The following MYO5A variants were observed in gnomAD, a reference collection of about 807,000 sequenced individuals.
MYO5A encodes the protein unconventional myosin-Va.
Under a neutral mutation model 249.7 loss-of-function variants are expected in MYO5A, and 98 were observed. The observed-to-expected ratio is 0.39, with a 90% confidence interval of 0.33 to 0.46. MYO5A has a LOEUF of 0.46. MYO5A is among the 20% of genes least tolerant of loss of function. The probability of loss-of-function intolerance (pLI) is 0.98; values close to 1 mark genes in which losing one functional copy is unlikely to be tolerated. For synonymous variants in MYO5A, 778 were observed against 810.6 expected (o/e 0.96, Z 0.68); for missense variants, 1,696 against 2,308.8 (o/e 0.73, Z 5.44).
At chr15:52,488,047 C>G (rs762729907) in intron 1 of MYO5A, among the ~76,000 whole-genome samples, 3 of 151,916 alleles carry the variant, frequency 2.0e-5, no homozygotes, top group Non-Finnish European at 4.4e-5. Flanking sequence ...TTCTTAACTT[C>G]TACATAGTAC....
intron 1 of MYO5A, among the ~76,000 whole-genome samples, chr15:52,517,172 T>A (rs1412256602): frequency 6.6e-6 from 1 of 152,230 alleles, no homozygotes; most frequent in Non-Finnish European, 1.5e-5. Context: ...TAAAGAGTGC[T>A]ATTTTTAAAA....
chr15:52,435,113 A>C (rs1231684515), intron 1 of MYO5A, among the ~76,000 whole-genome samples: 2 of 152,224 alleles, frequency 1.3e-5, no homozygotes, highest in Non-Finnish European at 2.9e-5. Flanking sequence ...TACAAGAGAA[A>C]TTTATATGAC....
At chr15:52,471,589 T>TG (rs2076470649) in intron 1 of MYO5A, among the ~76,000 whole-genome samples, 1 of 45,134 alleles carries the variant, frequency 2.2e-5, no homozygotes, top group Non-Finnish European at 4.7e-5. Context: ...ATTCTGTCTC[T>TG]AAAACACACA....
At chr15:52,452,846 T>TAA (rs199499140) in intron 1 of MYO5A, among the ~76,000 whole-genome samples, 7 of 123,880 alleles carry the variant, frequency 5.7e-5, no homozygotes, top group Middle Eastern at 4.1e-3. Flanking sequence ...AGACTCCATG[T>TAA]AAAAAAAAAA....
intron 15 of MYO5A, 36 bp downstream of exon 15, chr15:52,384,125 G>C: frequency 6.2e-7 from 1 of 1,613,252 alleles, no homozygotes; most frequent in Non-Finnish European, 8.5e-7. Flanking sequence ...GAGCCAGAAA[G>C]GAAGGAGCGT....
At chr15:52,406,990 A>G (rs2043032851) in intron 8 of MYO5A, among the ~76,000 whole-genome samples, 1 of 152,160 alleles carries the variant, frequency 6.6e-6, no homozygotes, top group African/African-American at 2.4e-5. Flanking sequence ...CTGATGCCCC[A>G]AATATATATT....
chr15:52,436,004 G>A (rs1353732976), intron 1 of MYO5A, among the ~76,000 whole-genome samples: 2 of 152,134 alleles, frequency 1.3e-5, no homozygotes, highest in Non-Finnish European at 2.9e-5. Flanking sequence ...TGCAGCCTCC[G>A]CTTCTGGGGT....
intron 1 of MYO5A, among the ~76,000 whole-genome samples, chr15:52,468,220 C>T (rs1399223683): frequency 1.3e-4 from 20 of 151,924 alleles, no homozygotes; most frequent in Admixed American, 1.2e-3. Context: ...GAGGATCACC[C>T]GAGCTGGGAA....
chr15:52,421,534 T>TC (rs5812607), intron 4 of MYO5A, among the ~76,000 whole-genome samples: 22,643 of 152,138 alleles, frequency 0.15, 1,796 homozygotes, highest in Middle Eastern at 0.22. Context: ...GAGGAAATAG[T>TC]AACACCAAGA....
At chr15:52,398,029 C>G (rs1222082199) in intron 9 of MYO5A, among the ~76,000 whole-genome samples, 1 of 152,082 alleles carries the variant, frequency 6.6e-6, no homozygotes, top group Non-Finnish European at 1.5e-5. Context: ...AAGGATTTTC[C>G]AAGCCAAGGA....
At chr15:52,349,201 C>T (rs932690182) in intron 28 of MYO5A, among the ~76,000 whole-genome samples, 2 of 152,114 alleles carry the variant, frequency 1.3e-5, no homozygotes, top group African/African-American at 4.8e-5. Flanking sequence ...TCACAGAAGT[C>T]GTTTGTCCAA....
chr15:52,359,479 T>C (rs761998489), intron 25 of MYO5A, among the ~76,000 whole-genome samples: 10 of 152,172 alleles, frequency 6.6e-5, no homozygotes, highest in Non-Finnish European at 1.2e-4. Context: ...GTTACATTGG[T>C]AAAAACTGGC....
At chr15:52,370,984 G>T (rs1204657454) in intron 21 of MYO5A, among the ~76,000 whole-genome samples, 1 of 151,982 alleles carries the variant, frequency 6.6e-6, no homozygotes, top group African/African-American at 2.4e-5. Context: ...ATGGTGGTGT[G>T]TACCTGTAGT....
In MYO5A at chr15:52,308,735, G is replaced by A. The variant is rs1157165522; in HGVS notation, c.*4961C>T. 6.5e-6 allele frequency: 1 copy of A among 152,700 alleles called. No homozygotes were observed. Among genetic ancestry groups the A allele is most frequent in the Non-Finnish European group, 1.5e-5 (1 of 68,126 alleles). The allele number at this position is 152,700 out of a possible 1,614,324, so 9.5% of individuals were successfully genotyped here. A position where few individuals can be genotyped will look rare whatever the true frequency, so the allele number is the denominator to read the frequency against. On this transcript the variant is annotated 3_prime_UTR_variant, in exon 42 of 42. Coordinates refer to ENST00000399233, the MANE Select transcript of MYO5A (RefSeq NM_001382347.1). ...ACTCTCACAAAACCTTGAGAAACAGGGCAAGATATCCCTTCCAGGCAAGAT... is the reference window on the plus strand; with the variant it reads ...ACTCTCACAAAACCTTGAGAAACAGAGCAAGATATCCCTTCCAGGCAAGAT...
intron 31 of MYO5A, 26 bp downstream of exon 31, chr15:52,343,090 AT>A (rs760677742): frequency 6.3e-7 from 1 of 1,576,100 alleles, no homozygotes. Context: ...AATTAATAAC[AT>A]TCCATTTTGA....
chr15:52,474,683 G>GATT (rs1262916152), intron 1 of MYO5A, among the ~76,000 whole-genome samples: 1 of 152,198 alleles, frequency 6.6e-6, no homozygotes, highest in Non-Finnish European at 1.5e-5. Flanking sequence ...TTTTATGATG[G>GATT]ATTACATTTA....
intron 1 of MYO5A, among the ~76,000 whole-genome samples, chr15:52,524,598 G>T (rs1305993121): frequency 7.8e-6 from 1 of 127,972 alleles, no homozygotes; most frequent in Non-Finnish European, 1.8e-5. Context: ...AATAAAATAG[G>T]CTGGGTGTGG....
chr15:52,481,217 C>T (rs2076708238), intron 1 of MYO5A, among the ~76,000 whole-genome samples: 1 of 152,176 alleles, frequency 6.6e-6, no homozygotes, highest in Non-Finnish European at 1.5e-5. Context: ...TGACACATTG[C>T]TGCAACAGAT....
intron 1 of MYO5A, among the ~76,000 whole-genome samples, chr15:52,526,505 G>A (rs2077733033): frequency 6.6e-6 from 1 of 152,128 alleles, no homozygotes; most frequent in Non-Finnish European, 1.5e-5. Context: ...GGGATTACAG[G>A]CATGCGCCAC....
Sources: allele counts gnomAD v4.1 joint callset (sites outside exome capture counted in the v4.1 genomes callset), GRCh38; gene constraint gnomAD v4.1.1; transcripts MANE v1.5; gene names NCBI Gene and HGNC (gene_info 2026-07-23, HGNC 2026-07-21).